Variants in GRM7 observed in about 807,000 individuals in gnomAD.
The protein encoded by GRM7 is glutamate metabotropic receptor 7.
A neutral mutation model predicts 84.5 loss-of-function variants in GRM7; 35 were observed. That is an observed-to-expected ratio of 0.41 (90% CI 0.32 to 0.55). The LOEUF (loss-of-function observed/expected upper bound fraction) is 0.55. Among genes scored for constraint, GRM7 ranks in the 20% least tolerant of loss-of-function variants. GRM7 has a pLI of 0.19. For missense variants in GRM7, 1,003 were observed against 1,194.6 expected (o/e 0.84, Z 2.36); for synonymous variants, 487 against 455.1 (o/e 1.07, Z -0.89).
At chr3:7,588,016 G>C (rs1477060526) in intron 8 of GRM7, among the ~76,000 whole-genome samples, 1 of 152,108 alleles carries the variant, frequency 6.6e-6, no homozygotes, top group East Asian at 1.9e-4. Context: ...ACTAGCTTCA[G>C]TCTATACCCT....
At chr3:7,624,476 G>A (rs879604737) in intron 8 of GRM7, among the ~76,000 whole-genome samples, 2,974 of 152,230 alleles carry the variant, frequency 0.02, 31 homozygotes, top group Non-Finnish European at 0.032. Flanking sequence ...TCAAGTACCT[G>A]ATAATACAGG....
At chr3:7,072,528 G>C (rs1697920260) in intron 1 of GRM7, among the ~76,000 whole-genome samples, 1 of 151,818 alleles carries the variant, frequency 6.6e-6, no homozygotes, top group Non-Finnish European at 1.5e-5. Context: ...CAAAAAGATA[G>C]ATAATAAAAT....
chr3:7,062,290 G>T (rs1438867122), intron 1 of GRM7, among the ~76,000 whole-genome samples: 3 of 151,614 alleles, frequency 2.0e-5, no homozygotes, highest in African/African-American at 7.3e-5. Flanking sequence ...TGAGGATTTT[G>T]TATCTGTTCA....
chr3:7,488,585 C>A (rs1360663199), intron 7 of GRM7, among the ~76,000 whole-genome samples: 2 of 152,214 alleles, frequency 1.3e-5, no homozygotes, highest in African/African-American at 4.8e-5. Context: ...GCTTCATCTT[C>A]CGCTTCTCCA....
chr3:7,055,334 C>T (rs1480865565), intron 1 of GRM7, among the ~76,000 whole-genome samples: 1 of 151,796 alleles, frequency 6.6e-6, no homozygotes, highest in Non-Finnish European at 1.5e-5. Context: ...AGAGAAGTTG[C>T]TGCAACATCC....
chr3:7,294,166 T>G (rs1377079263), intron 2 of GRM7, among the ~76,000 whole-genome samples: 1 of 152,184 alleles, frequency 6.6e-6, no homozygotes, highest in Non-Finnish European at 1.5e-5. Context: ...TCCCCTAGTG[T>G]ACACCGGGTG....
At chr3:7,122,405 T>G (rs1693256413) in intron 1 of GRM7, among the ~76,000 whole-genome samples, 2 of 152,280 alleles carry the variant, frequency 1.3e-5, no homozygotes, top group Admixed American at 1.3e-4. Flanking sequence ...TGTAATAAAT[T>G]TATAGGTTGT....
At chr3:7,689,561 A>G (rs1428278335) in intron 9 of GRM7, among the ~76,000 whole-genome samples, 2 of 152,202 alleles carry the variant, frequency 1.3e-5, no homozygotes, top group Non-Finnish European at 2.9e-5. Context: ...CCAAGGCTTG[A>G]TATCTCAGCA....
intron 1 of GRM7, among the ~76,000 whole-genome samples, chr3:7,139,890 A>G (rs1324271193): frequency 6.6e-6 from 1 of 152,072 alleles, no homozygotes; most frequent in African/African-American, 2.4e-5. Flanking sequence ...ACACCTAAAT[A>G]CAAGAAAATA....
rs529544589 is a variant in GRM7, at chr3:7,452,021, G to A, written c.1175-586G>A. Among the ~76,000 whole-genome samples, 5 of 152,226 alleles carry A rather than the reference G, an allele frequency of 3.3e-5. No homozygotes were observed. The South Asian group carries it at 1.0e-3, about 31-fold the overall frequency. ...TGGGAGGCATAAAGAGGCCATTGGT[G>A]GAGTGTTTGACACTGTTCAGTACTT... On this transcript the variant is annotated intron_variant, in intron 5 of 9. Coordinates refer to ENST00000357716, the MANE Select transcript of GRM7 (RefSeq NM_000844.4).
chr3:7,084,101 G>A (rs917003716), intron 1 of GRM7, among the ~76,000 whole-genome samples: 4 of 152,128 alleles, frequency 2.6e-5, no homozygotes, highest in Admixed American at 6.6e-5. Flanking sequence ...CTGAGCAGAG[G>A]AGTAACAAAG....
chr3:7,366,426 C>A (rs532599540), intron 4 of GRM7, among the ~76,000 whole-genome samples: 1 of 151,946 alleles, frequency 6.6e-6, no homozygotes, highest in East Asian at 1.9e-4. Context: ...CTCAGTCCAC[C>A]ATTTTGCTGC....
Position 6,877,594 on chromosome 3 carries a change from C to T in GRM7, c.519+15687C>T, listed in dbSNP as rs183510580. On this transcript the variant is annotated intron_variant, in intron 1 of 9. Coordinates refer to ENST00000357716, the MANE Select transcript of GRM7 (RefSeq NM_000844.4). ...CTAGCATCACCTAGTAACCATATCA[C>T]TGGCTAAACCAGTGGTTTTTCAAAT... 3.3e-5 allele frequency among the ~76,000 whole-genome samples: 5 copies of T among 152,270 alleles called. No homozygotes were observed. The East Asian group carries it at 9.7e-4, about 29-fold the overall frequency.
intron 1 of GRM7, among the ~76,000 whole-genome samples, chr3:7,143,951 G>T (rs1468978339): frequency 6.6e-6 from 1 of 151,624 alleles, no homozygotes; most frequent in African/African-American, 2.4e-5. Context: ...TGATATTTTT[G>T]TTACCTAAAA....
intron 1 of GRM7, among the ~76,000 whole-genome samples, chr3:6,968,785 G>A (rs1029681289): frequency 2.0e-5 from 3 of 152,068 alleles, no homozygotes; most frequent in Non-Finnish European, 4.4e-5. Context: ...ATCTTTCAAG[G>A]CATCATGAAA....
At chr3:7,560,484 TG>T (rs1693967853) in intron 7 of GRM7, among the ~76,000 whole-genome samples, 1 of 152,114 alleles carries the variant, frequency 6.6e-6, no homozygotes, top group Non-Finnish European at 1.5e-5. Flanking sequence ...CTCTGATTTT[TG>T]TTTCTCTAAC....
chr3:7,047,227 T>C (rs1696837911), intron 1 of GRM7, among the ~76,000 whole-genome samples: 1 of 152,028 alleles, frequency 6.6e-6, no homozygotes, highest in Non-Finnish European at 1.5e-5. Context: ...GCTGTTGTAA[T>C]GCAGACTGTA....
In GRM7 at chr3:7,082,370, G is replaced by A. The variant is rs966581411; in HGVS notation, c.520-64082G>A. Among the ~76,000 whole-genome samples the A allele has an allele frequency of 8.5e-5, 13 of 152,090 alleles. No individual in the cohort carries two copies. In the East Asian group the frequency reaches 1.9e-3, roughly 23 times the overall value. ...CCTGGATGACAGCACAGTTGTTTAC[G>A]GCATTTTAAGTCCACTATTGAGAGC... On this transcript the variant is annotated intron_variant, in intron 1 of 9. Transcript: ENST00000357716.
chr3:7,437,465 A>G (rs1338490699), intron 5 of GRM7, among the ~76,000 whole-genome samples: 1 of 152,166 alleles, frequency 6.6e-6, no homozygotes, highest in Non-Finnish European at 1.5e-5. Context: ...GCAGTCCAAG[A>G]CATCCTCACC....
Sources: allele counts gnomAD v4.1 joint callset (sites outside exome capture counted in the v4.1 genomes callset), GRCh38; gene constraint gnomAD v4.1.1; transcripts MANE v1.5; gene names NCBI Gene and HGNC (gene_info 2026-07-23, HGNC 2026-07-21).